ZNF778: variants seen among roughly 807,000 people sequenced by gnomAD.
ZNF778 encodes the protein zinc finger protein 778.
ZNF778 carries 37 observed loss-of-function variants against 23.9 expected under a neutral mutation model. That is an observed-to-expected ratio of 1.54 (90% CI 1.19 to 2.03). ZNF778 has a LOEUF of 2.03. ZNF778 is among the 30% of genes most tolerant of loss of function. The pLI is 0.00. For synonymous variants in ZNF778, 483 were observed against 343.9 expected (o/e 1.40, Z -4.48); for missense variants, 1,297 against 934.4 (o/e 1.39, Z -5.06).
Position 89,231,147 on chromosome 16 carries a change from C to T in ZNF778, c.*2585C>T, listed in dbSNP as rs554779678. ...GATTGAGTGTGGCTATTTAGCTCAT[C>T]TGTTGCCACCTTTAATTGTTGGCAT... On this transcript the variant is annotated 3_prime_UTR_variant, in exon 7 of 7. Transcript: ENST00000433976. The T allele has an allele frequency of 6.6e-6, 1 of 152,316 alleles. No homozygotes were observed. Among genetic ancestry groups the T allele is most frequent in the East Asian group, 1.9e-4 (1 of 5,200 alleles). 9.4% of individuals were successfully genotyped at this position (152,316 alleles called of 1,614,324 possible).
In ZNF778 at chr16:89,228,727, CAG is replaced by C; in HGVS notation, c.*169_*170del. Reference sequence around the variant, plus strand: ...ACCCTGGAGCCCTATGCAGCAGACACAGAGAAAGCCCTCAGTGTTCTCTAAGG... The same window carrying C: ...ACCCTGGAGCCCTATGCAGCAGACACAGAAAGCCCTCAGTGTTCTCTAAGG... On this transcript the variant is annotated 3_prime_UTR_variant, in exon 7 of 7. Transcript: ENST00000433976. 3 of 1,425,820 alleles carry C rather than the reference CAG, an allele frequency of 2.1e-6. No homozygotes were observed. Among genetic ancestry groups the C allele is most frequent in the Non-Finnish European group, 1.8e-6 (2 of 1,094,536 alleles). 88.3% of individuals were successfully genotyped at this position (1,425,820 alleles called of 1,614,324 possible). A position where few individuals can be genotyped will look rare whatever the true frequency, so the allele number is the denominator to read the frequency against.
chr16:89,229,175 C>T lies in ZNF778; in HGVS notation c.*613C>T. ...ACGTCGCAGCCTGGCTAACAGTAGG[C>T]CTTGAGGACTCAGATGTGATCCTGT... On this transcript the variant is annotated 3_prime_UTR_variant, in exon 7 of 7. Coordinates refer to ENST00000433976, the MANE Select transcript of ZNF778 (RefSeq NM_001201407.2). 1 of 985,948 alleles carries T rather than the reference C, an allele frequency of 1.0e-6. No individual in the cohort carries two copies. The highest frequency in any genetic ancestry group is 1.2e-6 in the Non-Finnish European group (1 of 830,372). The allele number at this position is 985,948 out of a possible 1,614,324, so 61.1% of individuals were successfully genotyped here.
chr16:89,223,756 A>G (rs1567500038), intron 4 of ZNF778, among the ~76,000 whole-genome samples: 1 of 152,220 alleles, frequency 6.6e-6, no homozygotes, highest in Non-Finnish European at 1.5e-5. Context: ...TGGGGCGCAG[A>G]AGGATGGAGT....
At position 89,229,675 on chromosome 16, in the gene ZNF778, G is replaced by A. The variant is rs373327215; in HGVS notation, c.*1113G>A. On this transcript the variant is annotated 3_prime_UTR_variant, in exon 7 of 7. Coordinates refer to ENST00000433976, the MANE Select transcript of ZNF778 (RefSeq NM_001201407.2). ...CTTGAGGATCCAGATGTGATCCTGC[G>A]TGAGCAGCGTAGGCTCTGGTTGGTT... 72 of 982,284 alleles carry A rather than the reference G, an allele frequency of 7.3e-5. No homozygotes were observed. Among genetic ancestry groups the A allele is most frequent in the Admixed American group, 1.2e-4 (2 of 16,134 alleles). The allele number at this position is 982,284 out of a possible 1,614,324, so 60.8% of individuals were successfully genotyped here. A position where few individuals can be genotyped will look rare whatever the true frequency, so the allele number is the denominator to read the frequency against.
rs1298205879 is a variant in ZNF778, at chr16:89,224,754, C to A, written c.280C>A (p.Leu94Met). The change falls in exon 5 of 7, where the codon CTG becomes ATG. Residue 94 changes from leucine (L) to methionine (M), a missense_variant. Transcript: ENST00000433976. ...HLFQPSVIYW[L>M]EQEEELRAGR... is the part of the protein sequence containing the mutation. Reference sequence around the variant, plus strand: ...GTTCCAACCCAGTGTGATCTATTGGCTGGAGCAGGAAGAGGAGTTGAGGGC... The same window carrying A: ...GTTCCAACCCAGTGTGATCTATTGGATGGAGCAGGAAGAGGAGTTGAGGGC... 3 of 1,535,076 alleles carry A rather than the reference C, an allele frequency of 2.0e-6. No individual in the cohort carries two copies. The highest frequency in any genetic ancestry group is 2.6e-6 in the Non-Finnish European group (3 of 1,146,524).
intron 1 of ZNF778, among the ~76,000 whole-genome samples, chr16:89,219,575 G>A (rs2030716082): frequency 6.6e-6 from 1 of 152,212 alleles, no homozygotes; most frequent in East Asian, 1.9e-4. Flanking sequence ...TTTAGAGGGT[G>A]TAGATTTACT....
In ZNF778 at chr16:89,227,632, A is replaced by T. The variant is rs552034419; in HGVS notation, c.1344A>T (p.Pro448=). 6.2e-7 allele frequency: 1 copy of T among 1,614,010 alleles called. No homozygotes were observed. The highest frequency in any genetic ancestry group is 8.5e-7 in the Non-Finnish European group (1 of 1,179,952). ...RHVRTHTGEK[P]YTCKDCGKAF... Reference sequence around the variant, plus strand: ...TACGAACACACACGGGCGAGAAGCCATACACGTGTAAGGACTGCGGGAAAG... The same window carrying T: ...TACGAACACACACGGGCGAGAAGCCTTACACGTGTAAGGACTGCGGGAAAG... Residue 448 remains proline, a synonymous_variant, in exon 7 of 7, where the codon CCA becomes CCT. Coordinates refer to ENST00000433976, the MANE Select transcript of ZNF778 (RefSeq NM_001201407.2).
chr16:89,227,911 C>A lies in ZNF778; in HGVS notation c.1623C>A (p.Ala541=), dbSNP rs199960904. The change falls in exon 7 of 7, where the codon GCC becomes GCA. Residue 541 remains alanine, a synonymous_variant. Coordinates refer to ENST00000433976, the MANE Select transcript of ZNF778 (RefSeq NM_001201407.2). ...ATGAATGTAAGGACTGTGGGAAAGC[C>A]TACAATAGGGTTTATCTACTGAATG... ...KPYECKDCGK[A]YNRVYLLNEH... 6.2e-7 allele frequency: 1 copy of A among 1,614,056 alleles called. No individual in the cohort carries two copies. The highest frequency in any genetic ancestry group is 1.3e-5 in the African/African-American group (1 of 74,996).
chr16:89,229,266 G>C lies in ZNF778; in HGVS notation c.*704G>C, dbSNP rs1229700729. ...AGATGTGATTCTTTGAGCAGCGTAG[G>C]CTCTGGTTGGTTAGTCTTGAGGATC... On this transcript the variant is annotated 3_prime_UTR_variant, in exon 7 of 7. Transcript: ENST00000433976. The C allele has an allele frequency of 2.0e-6, 2 of 985,426 alleles. No individual in the cohort carries two copies. Among genetic ancestry groups the C allele is most frequent in the South Asian group, 4.7e-5 (1 of 21,292 alleles). 61.0% of individuals were successfully genotyped at this position (985,426 alleles called of 1,614,324 possible). A position where few individuals can be genotyped will look rare whatever the true frequency, so the allele number is the denominator to read the frequency against.
chr16:89,226,652 G>C, intron 6 of ZNF778, 42 bp from the exon 7 acceptor site: 2 of 1,529,430 alleles, frequency 1.3e-6, no homozygotes, highest in South Asian at 2.4e-5. Flanking sequence ...CTATGAATCA[G>C]CCTCAGTAAC....
chr16:89,236,191 A>AAAAGAAAACCAAG lies in ZNF778; in HGVS notation c.*7630_*7642dup, dbSNP rs1437330209. ...GACTCTGTCTCAAAAAAGAAGAAAG[A>AAAAGAAAACCAAG]AAAGAAAACCAAGCCCCTGCCACCA... On this transcript the variant is annotated 3_prime_UTR_variant, in exon 7 of 7. Transcript: ENST00000433976. 1 of 152,072 alleles carries AAAAGAAAACCAAG rather than the reference A, an allele frequency of 6.6e-6. No homozygotes were observed. The highest frequency in any genetic ancestry group is 1.5e-5 in the Non-Finnish European group (1 of 68,102). 9.4% of individuals were successfully genotyped at this position (152,072 alleles called of 1,614,324 possible). A position where few individuals can be genotyped will look rare whatever the true frequency, so the allele number is the denominator to read the frequency against.
chr16:89,221,806 C>T (rs1597347598), intron 2 of ZNF778, among the ~76,000 whole-genome samples: 1 of 145,436 alleles, frequency 6.9e-6, no homozygotes, highest in Admixed American at 6.9e-5. Flanking sequence ...GTGTGTTCCT[C>T]AGGCAGTGTA....
rs1169974044 is a variant in ZNF778, at chr16:89,220,999, A to G, written c.-129A>G. 3.1e-5 allele frequency: 30 copies of G among 964,166 alleles called. No homozygotes were observed. The highest frequency in any genetic ancestry group is 2.0e-5 in the Non-Finnish European group (13 of 636,476). The allele number at this position is 964,166 out of a possible 1,614,324, so 59.7% of individuals were successfully genotyped here. A position where few individuals can be genotyped will look rare whatever the true frequency, so the allele number is the denominator to read the frequency against. On this transcript the variant is annotated splice_region_variant and 5_prime_UTR_variant, in exon 2 of 7. Transcript: ENST00000433976. ...TGCTTCTTCATCATGATTGCTAGGAAATAGGGATCCAGCCATCCGTGGGTC... is the reference window on the plus strand; with the variant it reads ...TGCTTCTTCATCATGATTGCTAGGAGATAGGGATCCAGCCATCCGTGGGTC...
In ZNF778 at chr16:89,233,734, A is replaced by C. The variant is rs1567516669; in HGVS notation, c.*5172A>C. Reference sequence around the variant, plus strand: ...TCACTGCGTATGCAACTCAACTCGCACTGCATATGCAACTCAACTCGCACT... The same window carrying C: ...TCACTGCGTATGCAACTCAACTCGCCCTGCATATGCAACTCAACTCGCACT... On this transcript the variant is annotated 3_prime_UTR_variant, in exon 7 of 7. Transcript: ENST00000433976. The C allele has an allele frequency of 2.9e-6, 3 of 1,024,470 alleles. No homozygotes were observed. The highest frequency in any genetic ancestry group is 6.1e-5 in the Admixed American group (2 of 32,866). The allele number at this position is 1,024,470 out of a possible 1,614,324, so 63.5% of individuals were successfully genotyped here. A position where few individuals can be genotyped will look rare whatever the true frequency, so the allele number is the denominator to read the frequency against.
In ZNF778 at chr16:89,233,827, C is replaced by T. The variant is rs984028830; in HGVS notation, c.*5265C>T. 3 of 1,291,122 alleles carry T rather than the reference C, an allele frequency of 2.3e-6. No individual in the cohort carries two copies. The African/African-American group carries it at 4.5e-5, about 20-fold the overall frequency. 80.0% of individuals were successfully genotyped at this position (1,291,122 alleles called of 1,614,324 possible). Reference sequence around the variant, plus strand: ...CACTGCGTATGCAACTCAACTGTTGCAAGTACTTATTTCCGGCCACTTCCT... The same window carrying T: ...CACTGCGTATGCAACTCAACTGTTGTAAGTACTTATTTCCGGCCACTTCCT... On this transcript the variant is annotated 3_prime_UTR_variant, in exon 7 of 7. Coordinates refer to ENST00000433976, the MANE Select transcript of ZNF778 (RefSeq NM_001201407.2).
rs753103117 is a variant in ZNF778 at position 89,227,980 on chromosome 16, G to A, written c.1692G>A (p.Thr564=). Residue 564 remains threonine (T), a synonymous_variant, in exon 7 of 7, where the codon ACG becomes ACA. Coordinates refer to ENST00000433976, the MANE Select transcript of ZNF778 (RefSeq NM_001201407.2). ...CAGAGGAGAAGCCCTTTATATGTAC[G>A]GTATGCAGGAAATCCTTCAGAAATT... The part of the protein sequence containing the change: ...THTEEKPFIC[T]VCRKSFRNSS... 30 of 1,589,580 alleles carry A rather than the reference G, an allele frequency of 1.9e-5. No homozygotes were observed. Among genetic ancestry groups the A allele is most frequent in the South Asian group, 1.0e-4 (9 of 88,156 alleles).
At position 89,234,417 on chromosome 16, in the gene ZNF778, C is replaced by A. The variant is rs2032178356; in HGVS notation, c.*5855C>A. ...TGGGGTGTTGGTTTGCACTTCTCTT[C>A]ATTACTGATAGTATGAACATGGTTT... On this transcript the variant is annotated 3_prime_UTR_variant, in exon 7 of 7. Coordinates refer to ENST00000433976, the MANE Select transcript of ZNF778 (RefSeq NM_001201407.2). 1.3e-5 allele frequency: 3 copies of A among 234,626 alleles called. No homozygotes were observed. In the East Asian group the frequency reaches 3.2e-4, roughly 25 times the overall value. The allele number at this position is 234,626 out of a possible 1,614,324, so 14.5% of individuals were successfully genotyped here.
intron 6 of ZNF778, 145 bp downstream of exon 6, chr16:89,225,776 G>C: frequency 1.4e-6 from 1 of 737,706 alleles, no homozygotes; most frequent in Non-Finnish European, 2.2e-6. Flanking sequence ...CTCTGAATGT[G>C]CGGAATTTGG....
Position 89,221,015 on chromosome 16 carries a change from TC to T in ZNF778, c.-111del, listed in dbSNP as rs1383145061. The T allele has an allele frequency of 3.4e-6, 4 of 1,175,366 alleles. No homozygotes were observed. The Admixed American group carries it at 8.6e-5, about 25-fold the overall frequency. 72.8% of individuals were successfully genotyped at this position (1,175,366 alleles called of 1,614,324 possible). A position where few individuals can be genotyped will look rare whatever the true frequency, so the allele number is the denominator to read the frequency against. The stretch of plus-strand genomic sequence containing the variant: ...TTGCTAGGAAATAGGGATCCAGCCA[TC>T]CGTGGGTCAGGAGGAATGGAGACTG... On this transcript the variant is annotated 5_prime_UTR_variant, in exon 2 of 7. Transcript: ENST00000433976.
Sources: allele counts gnomAD v4.1 joint callset (sites outside exome capture counted in the v4.1 genomes callset), GRCh38; gene constraint gnomAD v4.1.1; transcripts MANE v1.5; gene names NCBI Gene and HGNC (gene_info 2026-07-23, HGNC 2026-07-21).